MDFIC: variants seen among roughly 807,000 people sequenced by gnomAD.
MDFIC encodes myoD family inhibitor domain-containing protein.
In MDFIC, 17 loss-of-function variants were observed where a neutral mutation model predicts 23.2. The observed-to-expected ratio is 0.73, with a 90% confidence interval of 0.50 to 1.10. MDFIC has a LOEUF of 1.10. Ranked by LOEUF, MDFIC falls within the 50% of genes least tolerant of loss-of-function variation. MDFIC has a pLI of 0.00. For missense variants in MDFIC, 356 were observed against 316.6 expected, an observed-to-expected ratio of 1.12 and a Z score of -0.95; for synonymous variants, 120 against 115.2, an observed-to-expected ratio of 1.04 and a Z score of -0.27.
chr7:114,973,963 G>A (rs187416933), intron 3 of MDFIC, among the ~76,000 whole-genome samples: 218 of 152,100 alleles, frequency 1.4e-3, no homozygotes, highest in African/African-American at 5.1e-3. Context: ...TCATAAAAGA[G>A]TCCAGAAGCT....
chr7:114,985,902 G>A (rs1236550809), intron 4 of MDFIC, among the ~76,000 whole-genome samples: 3 of 151,734 alleles, frequency 2.0e-5, no homozygotes, highest in East Asian at 1.9e-4. Flanking sequence ...GAAAAATTGT[G>A]TTTTCTTTTC....
chr7:115,004,412 C>A (rs538349793), intron 4 of MDFIC, among the ~76,000 whole-genome samples: 5 of 152,142 alleles, frequency 3.3e-5, no homozygotes, highest in Non-Finnish European at 5.9e-5. Flanking sequence ...GAGTTGAAGA[C>A]CTGCCTGGGC....
At chr7:114,999,504 C>A (rs1791415484) in intron 4 of MDFIC, among the ~76,000 whole-genome samples, 2 of 151,838 alleles carry the variant, frequency 1.3e-5, no homozygotes, top group Admixed American at 1.3e-4. Flanking sequence ...ACTAATTTCT[C>A]TTAGAAATGC....
In MDFIC at chr7:114,979,586, C is replaced by G. The variant is rs1226466302; in HGVS notation, c.298C>G (p.His100Asp). 1 of 1,614,026 alleles carries G rather than the reference C, an allele frequency of 6.2e-7. No homozygotes were observed. Among genetic ancestry groups the G allele is most frequent in the Admixed American group, 1.7e-5 (1 of 59,998 alleles). Residue 100 changes from histidine (H) to aspartate (D), a missense_variant, in exon 4 of 5, where the codon CAC becomes GAC. Coordinates refer to ENST00000393486, the MANE Select transcript of MDFIC (RefSeq NM_001166345.3). ...GGAAATAGGCAAGATAAAGAACGGC[C>G]ACACAGGTCTGAGCAATGGAAATGG... is the stretch of plus-strand genomic sequence containing the variant. ...GEEIGKIKNG[H>D]TGLSNGNGIH...
Position 115,000,023 on chromosome 7 carries a change from T to C in MDFIC, c.494-15665T>C, listed in dbSNP as rs186731598. The stretch of plus-strand genomic sequence containing the variant: ...GATCACCACTAGAACTTGTTATTAA[T>C]GTCTTTAAAAAGAAGCACATATTTA... On this transcript the variant is annotated intron_variant, in intron 4 of 4. Coordinates refer to ENST00000393486, the MANE Select transcript of MDFIC (RefSeq NM_001166345.3). Among the ~76,000 whole-genome samples the C allele has an allele frequency of 2.8e-3, 434 of 152,292 alleles. 4 individuals carry two copies. The highest frequency in any genetic ancestry group is 0.02 in the Middle Eastern group (6 of 294).
intron 2 of MDFIC, among the ~76,000 whole-genome samples, chr7:114,933,308 G>C (rs1381620313): frequency 2.7e-5 from 4 of 150,610 alleles, no homozygotes; most frequent in Non-Finnish European, 5.9e-5. Context: ...ATGCAGGCTG[G>C]AGTGCAATGG....
intron 3 of MDFIC, 147 bp from the exon 4 acceptor site, chr7:114,979,359 G>C (rs1415473617): frequency 2.2e-5 from 17 of 782,332 alleles, no homozygotes; most frequent in Middle Eastern, 7.8e-4. Context: ...GTCTATGTTA[G>C]TATTTTTCTT....
At chr7:114,991,593 G>A (rs368440528) in intron 4 of MDFIC, among the ~76,000 whole-genome samples, 1 of 151,984 alleles carries the variant, frequency 6.6e-6, no homozygotes, top group African/African-American at 2.4e-5. Context: ...CCAGCACCAT[G>A]TATTAAATAG....
intron 4 of MDFIC, among the ~76,000 whole-genome samples, chr7:115,000,679 C>T (rs1791449364): frequency 6.6e-6 from 1 of 152,096 alleles, no homozygotes; most frequent in Non-Finnish European, 1.5e-5. Flanking sequence ...CAATTTCTCA[C>T]CTTAAAAAAC....
intron 2 of MDFIC, among the ~76,000 whole-genome samples, chr7:114,935,381 T>A (rs1249896742): frequency 6.6e-6 from 1 of 152,096 alleles, no homozygotes; most frequent in African/African-American, 2.4e-5. Context: ...AGAGAACTAG[T>A]TATACTCCTT....
At chr7:114,985,853 T>C (rs1191389237) in intron 4 of MDFIC, among the ~76,000 whole-genome samples, 1 of 151,968 alleles carries the variant, frequency 6.6e-6, no homozygotes, top group Non-Finnish European at 1.5e-5. Flanking sequence ...GTCTATATGA[T>C]TTATCTAAAG....
At chr7:114,923,274 A>G in intron 2 of MDFIC, 147 bp downstream of exon 2, 1 of 1,266,280 alleles carries the variant, frequency 7.9e-7, no homozygotes, top group Non-Finnish European at 1.1e-6. Flanking sequence ...CGCGTTACTC[A>G]GGCAAGTTCT....
chr7:114,992,722 T>C (rs1791203958), intron 4 of MDFIC, among the ~76,000 whole-genome samples: 1 of 152,208 alleles, frequency 6.6e-6, no homozygotes, highest in Admixed American at 6.5e-5. Flanking sequence ...GTGGATAAGC[T>C]TTTTGATGTG....
At chr7:114,929,831 G>C (rs1792275681) in intron 2 of MDFIC, among the ~76,000 whole-genome samples, 1 of 152,152 alleles carries the variant, frequency 6.6e-6, no homozygotes. Flanking sequence ...GAGGGAGGAA[G>C]TGGTGCAGTA....
intron 4 of MDFIC, among the ~76,000 whole-genome samples, chr7:115,002,918 T>C (rs1359687379): frequency 6.6e-6 from 1 of 152,212 alleles, no homozygotes; most frequent in Admixed American, 6.5e-5. Flanking sequence ...TATCTCTTCA[T>C]GGACTTTGCA....
At chr7:114,963,538 T>TTTTA (rs1793034737) in intron 3 of MDFIC, among the ~76,000 whole-genome samples, 1 of 152,226 alleles carries the variant, frequency 6.6e-6, no homozygotes, top group African/African-American at 2.4e-5. Context: ...CCAGTAGTAC[T>TTTTA]TTTATACTAG....
chr7:114,923,324 C>T, intron 2 of MDFIC, 197 bp downstream of exon 2: 3 of 1,152,848 alleles, frequency 2.6e-6, no homozygotes, highest in African/African-American at 1.5e-5. Context: ...GGTAAGAGGG[C>T]GGGAACCGTT....
chr7:114,963,524 T>C (rs980303451), intron 3 of MDFIC, among the ~76,000 whole-genome samples: 3 of 152,248 alleles, frequency 2.0e-5, no homozygotes, highest in Non-Finnish European at 4.4e-5. Context: ...TGATATTCTC[T>C]CTGCCAGTAG....
intron 4 of MDFIC, among the ~76,000 whole-genome samples, chr7:115,013,564 A>G (rs3761802): frequency 0.14 from 21,477 of 152,212 alleles, 2,152 homozygotes; most frequent in East Asian, 0.45. Flanking sequence ...TAGAAAGTTA[A>G]GGTTTCAGTG....
Sources: gnomAD v4.1 joint callset for allele counts (sites outside exome capture counted in the v4.1 genomes callset) on GRCh38, gnomAD v4.1.1 for gene constraint, MANE v1.5 for transcripts, NCBI Gene and HGNC (gene_info 2026-07-23, HGNC 2026-07-21) for gene names.